COL6A3: variants seen among roughly 807,000 people sequenced by gnomAD.
COL6A3 encodes collagen type VI alpha 3 chain, also known as collagen alpha-3(VI) chain.
In COL6A3, 137 loss-of-function variants were observed where a neutral mutation model predicts 274.1. The observed-to-expected ratio is 0.50, with a 90% confidence interval of 0.44 to 0.58. The LOEUF (loss-of-function observed/expected upper bound fraction) is 0.58, where lower values mean the gene tolerates loss of function less well. COL6A3 is among the 20% of genes least tolerant of loss of function. The pLI, the probability that COL6A3 is intolerant of heterozygous loss-of-function variation, is 0.00. For synonymous variants in COL6A3, 1,650 were observed against 1,650.6 expected (o/e 1.00, Z 0.01); for missense variants, 3,950 against 4,124.9 (o/e 0.96, Z 1.16).
chr2:237,352,760 C>T (rs537469362), intron 25 of COL6A3, among the ~76,000 whole-genome samples, 176 bp from the exon 26 acceptor site: 1 of 152,292 alleles, frequency 6.6e-6, no homozygotes, highest in African/African-American at 2.4e-5. Context: ...CAATCCAGAT[C>T]GTGAATAGGC....
chr2:237,359,260 A>C lies in COL6A3; in HGVS notation c.6310-10T>G. Reference sequence around the variant, plus strand: ...TTTCTCCTACTTCGCCCTAAGAGGGAATAAGGCGGACAGGTAAGTATAGAA... The same window carrying C: ...TTTCTCCTACTTCGCCCTAAGAGGGCATAAGGCGGACAGGTAAGTATAGAA... On this transcript the variant is annotated splice_polypyrimidine_tract_variant and intron_variant, in intron 18 of 43. Coordinates refer to ENST00000295550, the MANE Select transcript of COL6A3 (RefSeq NM_004369.4). 1 of 1,614,210 alleles carries C rather than the reference A, an allele frequency of 6.2e-7. No homozygotes were observed. The highest frequency in any genetic ancestry group is 8.5e-7 in the Non-Finnish European group (1 of 1,180,016).
rs1348790387 is a variant in COL6A3 at position 237,381,259 on chromosome 2, A to C, written c.1553T>G (p.Leu518Arg). ...VITAVRKMKP[L>R]DGSALYTGSA... ...GCCCGTGTACAGGGCCGAGCCGTCC[A>C]GGGGCTTCATTTTCCGCACAGCGGT... The change falls in exon 5 of 44, where the codon CTG becomes CGG. Residue 518 changes from leucine to arginine, a missense_variant. Coordinates refer to ENST00000295550, the MANE Select transcript of COL6A3 (RefSeq NM_004369.4). 2 of 1,614,152 alleles carry C rather than the reference A, an allele frequency of 1.2e-6. No homozygotes were observed. Among genetic ancestry groups the C allele is most frequent in the Non-Finnish European group, 1.7e-6 (2 of 1,180,058 alleles).
intron 8 of COL6A3, among the ~76,000 whole-genome samples, chr2:237,373,248 G>A (rs1000278811): frequency 6.6e-6 from 1 of 152,174 alleles, no homozygotes; most frequent in African/African-American, 2.4e-5. Context: ...TATTCCCAAA[G>A]TCCATCCTCG....
intron 42 of COL6A3, among the ~76,000 whole-genome samples, chr2:237,331,089 G>A (rs1264684473): frequency 2.0e-5 from 3 of 152,186 alleles, no homozygotes; most frequent in East Asian, 1.9e-4. Context: ...CAGAAAGTAA[G>A]AGGAATGAAA....
intron 9 of COL6A3, among the ~76,000 whole-genome samples, chr2:237,369,770 T>G (rs999013061): frequency 6.6e-6 from 1 of 152,192 alleles, no homozygotes; most frequent in Non-Finnish European, 1.5e-5. Flanking sequence ...TATTTCCTTT[T>G]TGCTCACACA....
chr2:237,328,134 T>C (rs1292326851), intron 42 of COL6A3: 1 of 152,212 alleles, frequency 6.6e-6, no homozygotes. Context: ...CTTCCCCGGC[T>C]TCCTAACCTA....
At chr2:237,390,078 A>G (rs2078248697) in intron 3 of COL6A3, among the ~76,000 whole-genome samples, 1 of 152,200 alleles carries the variant, frequency 6.6e-6, no homozygotes, top group Non-Finnish European at 1.5e-5. Context: ...TAAACCAATG[A>G]CCTCAAAGGA....
chr2:237,387,585 G>C lies in COL6A3; in HGVS notation c.1309C>G (p.Gln437Glu). Residue 437 changes from glutamine to glutamate, a missense_variant, in exon 4 of 44, where the codon CAA becomes GAA. Gln to Glu is a conservative substitution (Grantham distance 29). Transcript: ENST00000295550. ...IVLKPPTIVT[Q>E]VIEVNKRDIV... ...ATGGTGAGAAGAGGATACATACCTTGTGTGACAATGGTTGGCGGTTTCAAG... is the reference window on the plus strand; with the variant it reads ...ATGGTGAGAAGAGGATACATACCTTCTGTGACAATGGTTGGCGGTTTCAAG... 5 of 1,613,932 alleles carry C rather than the reference G, an allele frequency of 3.1e-6. No individual in the cohort carries two copies. Among genetic ancestry groups the C allele is most frequent in the Non-Finnish European group, 4.2e-6 (5 of 1,179,958 alleles).
chr2:237,382,102 G>T (rs981399648), intron 4 of COL6A3, among the ~76,000 whole-genome samples: 2 of 152,214 alleles, frequency 1.3e-5, no homozygotes, highest in Non-Finnish European at 1.5e-5. Flanking sequence ...CTGCGTTTTG[G>T]CCAGGCACAG....
In COL6A3 at chr2:237,340,071, C is replaced by T. The variant is rs532987384; in HGVS notation, c.8464+381G>A. On this transcript the variant is annotated intron_variant, in intron 38 of 43. Coordinates refer to ENST00000295550, the MANE Select transcript of COL6A3 (RefSeq NM_004369.4). ...AAAGCAACTCTTTCTAGAAGCTTTC[C>T]CCGGTGCCCCTAACAGAAATCACTT... 4.6e-5 allele frequency among the ~76,000 whole-genome samples: 7 copies of T among 152,270 alleles called. No homozygotes were observed. In the South Asian group the frequency reaches 1.5e-3, roughly 32 times the overall value.
At chr2:237,401,349 C>G (rs2078584287) in intron 1 of COL6A3, among the ~76,000 whole-genome samples, 1 of 152,130 alleles carries the variant, frequency 6.6e-6, no homozygotes, top group African/African-American at 2.4e-5. Flanking sequence ...AAAAGTCCAT[C>G]AATAGATGAG....
chr2:237,383,671 GAGA>G (rs1358305137), intron 4 of COL6A3, among the ~76,000 whole-genome samples: 1 of 152,068 alleles, frequency 6.6e-6, no homozygotes, highest in Non-Finnish European at 1.5e-5. Flanking sequence ...ACAATGACCT[GAGA>G]AGCTACTTGC....
intron 36 of COL6A3, 176 bp from the exon 37 acceptor site, chr2:237,342,337 G>A: frequency 1.6e-6 from 1 of 640,502 alleles, no homozygotes. Context: ...ATAATAGAAA[G>A]ACATAGGTTT....
chr2:237,379,358 C>T, intron 5 of COL6A3, 123 bp from the exon 6 acceptor site: 1 of 1,213,010 alleles, frequency 8.2e-7, no homozygotes, highest in Non-Finnish European at 1.2e-6. Flanking sequence ...CATGGCAAAG[C>T]ATGTCCATCT....
At chr2:237,409,831 T>C (rs2078811580) in intron 1 of COL6A3, among the ~76,000 whole-genome samples, 1 of 152,180 alleles carries the variant, frequency 6.6e-6, no homozygotes, top group Non-Finnish European at 1.5e-5. Flanking sequence ...TATGCAAACC[T>C]ACTTTGGTTC....
In COL6A3 at chr2:237,345,058, G is replaced by A. The variant is rs764688620; in HGVS notation, c.7162C>T (p.Pro2388Ser). Residue 2388 changes from proline (P) to serine (S), a missense_variant and splice_region_variant, in exon 34 of 44, where the codon CCT becomes TCT. Physicochemically the swap from Pro to Ser is moderately conservative, Grantham distance 74 (BLOSUM62 -1). Transcript: ENST00000295550. The stretch of plus-strand genomic sequence containing the variant: ...AGACAACAGAAAATCATGTACTTAC[G>A]GCATTTATCTTTGATGCTTTGGATG... ...ALIQSIKDKC[P>S]CCYGPLECPV... The A allele has an allele frequency of 1.2e-5, 20 of 1,614,132 alleles. No individual in the cohort carries two copies. Among genetic ancestry groups the A allele is most frequent in the Admixed American group, 5.0e-5 (3 of 60,028 alleles).
chr2:237,358,489 A>C (rs756782490), intron 21 of COL6A3, 32 bp downstream of exon 21: 1 of 1,577,238 alleles, frequency 6.3e-7, no homozygotes, highest in Non-Finnish European at 8.7e-7. Context: ...CCCCAGGCTC[A>C]GGTCTGAAAT....
rs886271686 is a variant in COL6A3, at chr2:237,413,071, G to C, written c.-31+882C>G. 6.6e-6 allele frequency among the ~76,000 whole-genome samples: 1 copy of C among 152,122 alleles called. No homozygotes were observed. The highest frequency in any genetic ancestry group is 2.4e-5 in the African/African-American group (1 of 41,434). ...CCCTTGAAACAGGTTCCCCAAACAG[G>C]CTGGCCACTGTCAGCGAACGTGTCC... is the stretch of plus-strand genomic sequence containing the variant. On this transcript the variant is annotated intron_variant, in intron 1 of 43. Coordinates refer to ENST00000295550, the MANE Select transcript of COL6A3 (RefSeq NM_004369.4). This position sits in a 1 kb window ranked among gnomAD's most constrained non-coding sequence, Gnocchi z 4.0.
chr2:237,336,682 CTTCTT>C (rs1700570362), intron 39 of COL6A3, 150 bp from the exon 40 acceptor site: 1 of 745,610 alleles, frequency 1.3e-6, no homozygotes, highest in Non-Finnish European at 2.1e-6. Context: ...TATTAAATTC[CTTCTT>C]TTAAGGATCT....
Sources: allele counts gnomAD v4.1 joint callset (sites outside exome capture counted in the v4.1 genomes callset), GRCh38; gene constraint gnomAD v4.1.1; non-coding constraint Gnocchi (gnomAD v3.1); transcripts MANE v1.5; gene names NCBI Gene and HGNC (gene_info 2026-07-23, HGNC 2026-07-21).